Variants in SANBR observed in about 807,000 individuals in gnomAD.
SANBR encodes SANT and BTB domain regulator of CSR.
In SANBR, 77 loss-of-function variants were observed where a neutral mutation model predicts 101.8. The ratio of observed to expected loss-of-function variants is 0.76; its 90% confidence interval spans 0.63 to 0.91. The LOEUF (loss-of-function observed/expected upper bound fraction) is 0.91, where lower values mean the gene tolerates loss of function less well. Among genes scored for constraint, SANBR ranks in the 40% least tolerant of loss-of-function variants. The probability of loss-of-function intolerance (pLI) is 0.00; values close to 1 mark genes in which losing one functional copy is unlikely to be tolerated. For missense variants in SANBR, 875 were observed against 853.0 expected, an observed-to-expected ratio of 1.03 and a Z score of -0.32; for synonymous variants, 279 against 274.7, an observed-to-expected ratio of 1.02 and a Z score of -0.15.
downstream of SANBR, among the ~76,000 whole-genome samples, chr2:61,126,395 T>C (rs752390131): frequency 6.6e-6 from 1 of 152,178 alleles, no homozygotes; most frequent in Non-Finnish European, 1.5e-5. Context: ...CCAGCTTCCA[T>C]TTCAACTTCT....
At chr2:61,115,729 G>A (rs1004109629) in intron 16 of SANBR, 8 of 263,486 alleles carry the variant, frequency 3.0e-5, no homozygotes, top group Admixed American at 1.5e-4. Context: ...TCCAGCATGG[G>A]TGACAGAACA....
intron 16 of SANBR, among the ~76,000 whole-genome samples, chr2:61,109,509 A>T (rs1180857214): frequency 6.6e-6 from 1 of 151,824 alleles, no homozygotes; most frequent in Non-Finnish European, 1.5e-5. Context: ...CTGAGAAAGA[A>T]CTCTCCAGGT....
intron 5 of SANBR, among the ~76,000 whole-genome samples, chr2:61,076,288 C>T (rs565187153): frequency 3.6e-4 from 54 of 148,374 alleles, no homozygotes; most frequent in Non-Finnish European, 6.6e-4. Flanking sequence ...CCACCGTGTG[C>T]GGCCATAAAC....
At chr2:61,128,088 C>T (rs1010731021), downstream of SANBR, among the ~76,000 whole-genome samples, 75 of 151,852 alleles carry the variant, frequency 4.9e-4, no homozygotes, top group Admixed American at 2.2e-3. Context: ...CTGGCTAACA[C>T]GGTGAAACCC....
chr2:61,067,123 T>TA (rs1681217209), intron 1 of SANBR, among the ~76,000 whole-genome samples: 1 of 152,234 alleles, frequency 6.6e-6, no homozygotes, highest in Admixed American at 6.5e-5. Flanking sequence ...CTTTTATACT[T>TA]AAATTCAGAC....
At position 61,097,872 on chromosome 2, in the gene SANBR, C is replaced by T. The variant is rs1683104462; in HGVS notation, c.1365+20C>T. The T allele has an allele frequency of 6.3e-7, 1 of 1,597,546 alleles. No individual in the cohort carries two copies. Among genetic ancestry groups the T allele is most frequent in the Middle Eastern group, 1.7e-4 (1 of 5,986 alleles). On this transcript the variant is annotated intron_variant, in intron 12 of 21. Transcript: ENST00000402291. Reference sequence around the variant, plus strand: ...ACAAAGGTGAATTTTGAATATTGCCCTTAGTAGCTACAGTTTTTAAAGTAT... The same window carrying T: ...ACAAAGGTGAATTTTGAATATTGCCTTTAGTAGCTACAGTTTTTAAAGTAT...
intron 12 of SANBR, 37 bp from the exon 13 acceptor site, chr2:61,103,816 C>G: frequency 1.9e-6 from 3 of 1,599,952 alleles, no homozygotes; most frequent in Non-Finnish European, 2.6e-6. Flanking sequence ...TGTTCTATAA[C>G]AAACTAACCT....
intron 16 of SANBR, among the ~76,000 whole-genome samples, chr2:61,110,326 C>T (rs1683769625): frequency 6.6e-6 from 1 of 152,058 alleles, no homozygotes; most frequent in African/African-American, 2.4e-5. Flanking sequence ...GGCAGATCAC[C>T]TGAGGTCAGG....
At chr2:61,081,071 T>TA (rs1682098504) in intron 6 of SANBR, among the ~76,000 whole-genome samples, 2 of 152,184 alleles carry the variant, frequency 1.3e-5, no homozygotes, top group South Asian at 4.1e-4. Flanking sequence ...TTGAACTCTT[T>TA]AAATTAGCTT....
At chr2:61,068,412 A>C (rs1681291872) in intron 1 of SANBR, among the ~76,000 whole-genome samples, 1 of 152,260 alleles carries the variant, frequency 6.6e-6, no homozygotes, top group Non-Finnish European at 1.5e-5. Context: ...AATAATGGCC[A>C]AAGTGGAGAG....
At chr2:61,083,128 G>A (rs769178111) in intron 7 of SANBR, 26 bp from the exon 8 acceptor site, 11 of 1,552,462 alleles carry the variant, frequency 7.1e-6, no homozygotes, top group African/African-American at 4.1e-5. Context: ...TACTATTTTC[G>A]ACATTTATTT....
chr2:61,090,192 A>C (rs1682665623), intron 10 of SANBR, among the ~76,000 whole-genome samples: 1 of 152,214 alleles, frequency 6.6e-6, no homozygotes, highest in South Asian at 2.1e-4. Flanking sequence ...TGGTTAAAAA[A>C]ATAGGATGTT....
chr2:61,073,513 T>C lies in SANBR; in HGVS notation c.393T>C (p.Thr131=). 1 of 1,584,954 alleles carries C rather than the reference T, an allele frequency of 6.3e-7. No homozygotes were observed. The highest frequency in any genetic ancestry group is 8.6e-7 in the Non-Finnish European group (1 of 1,162,304). Residue 131 remains threonine (T), a synonymous_variant, in exon 5 of 22, where the codon ACT becomes ACC. Coordinates refer to ENST00000402291, the MANE Select transcript of SANBR (RefSeq NM_001129993.3). ...GTTCTTCAGAAAGTGAAAATTGTAC[T>C]ACTCATAATGGTGGAGAAATGACTG... ...RNCSSESENC[T]THNGGEMTEE... is the part of the protein sequence containing the mutation.
At chr2:61,104,468 C>CA (rs1204289882) in intron 13 of SANBR, among the ~76,000 whole-genome samples, 34 of 102,624 alleles carry the variant, frequency 3.3e-4, no homozygotes, top group African/African-American at 1.1e-3. Flanking sequence ...GGTGACAGAG[C>CA]AAAAAAAAAA....
intron 4 of SANBR, among the ~76,000 whole-genome samples, chr2:61,072,044 C>A (rs1681501526): frequency 6.6e-6 from 1 of 152,002 alleles, no homozygotes; most frequent in Admixed American, 6.6e-5. Flanking sequence ...CTCAAGAGAT[C>A]CTCCTGCCTC....
intron 1 of SANBR, among the ~76,000 whole-genome samples, chr2:61,068,462 C>T (rs1278391554): frequency 6.6e-6 from 1 of 152,112 alleles, no homozygotes; most frequent in African/African-American, 2.4e-5. Context: ...TTTATGAGCA[C>T]CTTTTGTATG....
chr2:61,073,435 A>G (rs756504163), intron 4 of SANBR, 23 bp from the exon 5 acceptor site: 3 of 1,123,950 alleles, frequency 2.7e-6, no homozygotes, highest in Non-Finnish European at 3.8e-6. Flanking sequence ...TTTTTTTTGT[A>G]TGTGTTTGTT....
intron 16 of SANBR, among the ~76,000 whole-genome samples, chr2:61,115,187 A>G (rs539430047): frequency 6.6e-6 from 1 of 152,232 alleles, no homozygotes; most frequent in South Asian, 2.1e-4. Flanking sequence ...TGTTATAGGA[A>G]GGCTTTAAAT....
chr2:61,118,052 C>T lies in SANBR; in HGVS notation c.1964C>T (p.Thr655Ile). The change falls in exon 20 of 22, where the codon ACA (threonine) becomes ATA (isoleucine). Residue 655 changes from threonine (T) to isoleucine (I), a missense_variant. By Grantham distance (89) the Thr-to-Ile change is moderately conservative. Coordinates refer to ENST00000402291, the MANE Select transcript of SANBR (RefSeq NM_001129993.3). ...GATCAACGGCGAATGACTGAAATTA[C>T]AGGGCACCTAATAAAAATGAGATTG... ...EDDQRRMTEI[T>I]GHLIKMRLGD... 5 of 1,613,406 alleles carry T rather than the reference C, an allele frequency of 3.1e-6. No homozygotes were observed. The highest frequency in any genetic ancestry group is 4.2e-6 in the Non-Finnish European group (5 of 1,179,710).
Sources: allele counts gnomAD v4.1 joint callset (sites outside exome capture counted in the v4.1 genomes callset), GRCh38; gene constraint gnomAD v4.1.1; transcripts MANE v1.5; gene names NCBI Gene and HGNC (gene_info 2026-07-23, HGNC 2026-07-21).